The following SLC39A11 variants were observed in gnomAD, a reference collection of about 807,000 sequenced individuals.
SLC39A11 encodes solute carrier family 39 member 11, also known as zinc transporter ZIP11.
In SLC39A11, 33 loss-of-function variants were observed where a neutral mutation model predicts 36.1. The observed-to-expected ratio is 0.91, with a 90% CI of 0.69 to 1.22. SLC39A11 has a LOEUF of 1.22. Ranked by LOEUF, SLC39A11 falls within the 50% of genes most tolerant of loss-of-function variation. SLC39A11 has a pLI of 0.00. For synonymous variants in SLC39A11, 166 were observed against 170.3 expected (o/e 0.97, Z 0.20); for missense variants, 432 against 430.3 (o/e 1.00, Z -0.03).
At chr17:72,756,864 C>T (rs2075376525) in intron 6 of SLC39A11, among the ~76,000 whole-genome samples, 1 of 151,814 alleles carries the variant, frequency 6.6e-6, no homozygotes, top group African/African-American at 2.4e-5. Context: ...AAAAGTGGTG[C>T]AATGGCCGGG....
chr17:72,880,456 C>T (rs1598253621), intron 5 of SLC39A11, among the ~76,000 whole-genome samples: 1 of 152,078 alleles, frequency 6.6e-6, no homozygotes, highest in Admixed American at 6.5e-5. Context: ...CCTGTGGTCA[C>T]AGCTACTTGG....
At chr17:72,671,595 C>T (rs1260410448) in intron 7 of SLC39A11, among the ~76,000 whole-genome samples, 1 of 152,102 alleles carries the variant, frequency 6.6e-6, no homozygotes, top group East Asian at 1.9e-4. Flanking sequence ...GTGGTGGATG[C>T]CTGTAATCTC....
At position 72,691,368 on chromosome 17, in the gene SLC39A11, C is replaced by A. The variant is rs571968049; in HGVS notation, c.672-42100G>T. Among the ~76,000 whole-genome samples the A allele has an allele frequency of 1.2e-4, 18 of 152,086 alleles. No homozygotes were observed. The South Asian group carries it at 2.1e-3, about 18-fold the overall frequency. Reference sequence around the variant, plus strand: ...AGACCCGGCCTTACCCTTGGTCCAGCCCCTCTGAGATCTATTTCATGTATA... The same window carrying A: ...AGACCCGGCCTTACCCTTGGTCCAGACCCTCTGAGATCTATTTCATGTATA... On this transcript the variant is annotated intron_variant, in intron 7 of 9. Transcript: ENST00000255559.
At chr17:72,682,764 T>A (rs1012248452) in intron 7 of SLC39A11, among the ~76,000 whole-genome samples, 1 of 152,274 alleles carries the variant, frequency 6.6e-6, no homozygotes, top group African/African-American at 2.4e-5. Flanking sequence ...GTTTCCACTG[T>A]AAAGGAAGCT....
intron 7 of SLC39A11, among the ~76,000 whole-genome samples, chr17:72,729,851 A>G (rs2074142930): frequency 6.6e-6 from 1 of 152,066 alleles, no homozygotes; most frequent in South Asian, 2.1e-4. Flanking sequence ...TCTGGCTTGG[A>G]TCAAGCCCTT....
intron 5 of SLC39A11, among the ~76,000 whole-genome samples, chr17:72,925,933 G>T (rs1177854030): frequency 6.6e-6 from 1 of 152,228 alleles, no homozygotes; most frequent in Non-Finnish European, 1.5e-5. Context: ...AAACCACTGA[G>T]ATTTGAGGTT....
At chr17:72,960,673 C>T (rs1020947627) in intron 4 of SLC39A11, among the ~76,000 whole-genome samples, 4 of 148,942 alleles carry the variant, frequency 2.7e-5, no homozygotes, top group African/African-American at 1.0e-4. Flanking sequence ...AATTAAAAAG[C>T]GGGTATAGTG....
intron 7 of SLC39A11, among the ~76,000 whole-genome samples, chr17:72,727,886 A>G (rs1312873270): frequency 6.6e-6 from 1 of 152,136 alleles, no homozygotes; most frequent in Non-Finnish European, 1.5e-5. Context: ...AGCCACACAC[A>G]CATGATAGGC....
At chr17:72,943,868 A>G (rs1269944397) in intron 5 of SLC39A11, among the ~76,000 whole-genome samples, 1 of 152,182 alleles carries the variant, frequency 6.6e-6, no homozygotes, top group African/African-American at 2.4e-5. Flanking sequence ...TTCAGTTGCC[A>G]TGGACCCTCA....
At position 72,883,067 on chromosome 17, in the gene SLC39A11, G is replaced by A. The variant is rs183542996; in HGVS notation, c.431-33263C>T. Among the ~76,000 whole-genome samples the A allele has an allele frequency of 2.4e-3, 360 of 152,200 alleles. 1 individual carries two copies. The highest frequency in any genetic ancestry group is 5.0e-3 in the Admixed American group (77 of 15,296). On this transcript the variant is annotated intron_variant, in intron 5 of 9. Transcript: ENST00000255559. ...CCACCTCGGCCTCCCAATGTGGTTG[G>A]ATTACAGGCTGAGCCACCGTGCCAG... is the stretch of plus-strand genomic sequence containing the variant.
At chr17:72,763,285 A>T (rs1478088026) in intron 6 of SLC39A11, among the ~76,000 whole-genome samples, 1 of 152,236 alleles carries the variant, frequency 6.6e-6, no homozygotes, top group Non-Finnish European at 1.5e-5. Flanking sequence ...GTTAAATATT[A>T]GGTTAAACCA....
intron 3 of SLC39A11, among the ~76,000 whole-genome samples, chr17:73,062,938 G>A (rs1214935916): frequency 6.6e-6 from 1 of 152,108 alleles, no homozygotes; most frequent in Non-Finnish European, 1.5e-5. Flanking sequence ...GAGAGTGGCT[G>A]CAAATACAGA....
chr17:73,044,890 AAAAAAAG>A (rs2059227265), intron 3 of SLC39A11, among the ~76,000 whole-genome samples: 1 of 150,150 alleles, frequency 6.7e-6, no homozygotes, highest in Non-Finnish European at 1.5e-5. Flanking sequence ...AAAAAAAAAA[AAAAAAAG>A]AAAAGAAATG....
At chr17:73,025,386 C>T (rs1490882171) in intron 4 of SLC39A11, among the ~76,000 whole-genome samples, 2 of 152,182 alleles carry the variant, frequency 1.3e-5, no homozygotes, top group African/African-American at 2.4e-5. Flanking sequence ...GAAAAGCAAG[C>T]AGCAACAACA....
chr17:72,996,163 TA>T (rs1321970892), intron 4 of SLC39A11, among the ~76,000 whole-genome samples: 1 of 152,080 alleles, frequency 6.6e-6, no homozygotes, highest in Non-Finnish European at 1.5e-5. Flanking sequence ...GCCTACAGGA[TA>T]AAATCTAAAT....
chr17:72,719,463 T>G (rs757313503), intron 7 of SLC39A11, among the ~76,000 whole-genome samples: 3 of 152,140 alleles, frequency 2.0e-5, no homozygotes, highest in Non-Finnish European at 2.9e-5. Flanking sequence ...TGTTTTAAAA[T>G]GAAGACCCTG....
At chr17:72,665,222 C>T (rs2070674627) in intron 7 of SLC39A11, among the ~76,000 whole-genome samples, 1 of 152,076 alleles carries the variant, frequency 6.6e-6, no homozygotes, top group African/African-American at 2.4e-5. Context: ...ATGGATCCTT[C>T]AGCCCCAGTC....
intron 5 of SLC39A11, among the ~76,000 whole-genome samples, chr17:72,917,647 G>T (rs1341314141): frequency 6.6e-6 from 1 of 152,146 alleles, no homozygotes; most frequent in East Asian, 1.9e-4. Context: ...TTTAACTAGG[G>T]CCCTTGTGAC....
At chr17:72,968,438 G>A (rs1351082349) in intron 4 of SLC39A11, among the ~76,000 whole-genome samples, 2 of 152,140 alleles carry the variant, frequency 1.3e-5, no homozygotes, top group East Asian at 3.9e-4. Context: ...AATCTGAAGG[G>A]CTACAGGTCA....
Sources: gnomAD v4.1 joint callset for allele counts (sites outside exome capture counted in the v4.1 genomes callset) on GRCh38, gnomAD v4.1.1 for gene constraint, MANE v1.5 for transcripts, NCBI Gene and HGNC (gene_info 2026-07-23, HGNC 2026-07-21) for gene names.